The following GGCT variants were observed in gnomAD, a reference collection of about 807,000 sequenced individuals.
GGCT encodes the protein cytochrome c-releasing factor 21.
In GGCT, 20 loss-of-function variants were observed where a neutral mutation model predicts 22.1. The ratio of observed to expected loss-of-function variants is 0.91; its 90% confidence interval spans 0.64 to 1.32. GGCT has a LOEUF of 1.32. Ranked by LOEUF, GGCT falls within the 40% of genes most tolerant of loss-of-function variation. The probability of loss-of-function intolerance (pLI) is 0.00; values close to 1 mark genes in which losing one functional copy is unlikely to be tolerated. For synonymous variants in GGCT, 72 were observed against 78.4 expected, an observed-to-expected ratio of 0.92 and a Z score of 0.43; for missense variants, 209 against 223.5, an observed-to-expected ratio of 0.94 and a Z score of 0.41.
intron 1 of GGCT, among the ~76,000 whole-genome samples, chr7:30,502,653 C>T (rs940565280): frequency 1.3e-5 from 2 of 152,202 alleles, no homozygotes; most frequent in African/African-American, 2.4e-5. Context: ...ACATCACCTG[C>T]ATCTACCTGG....
chr7:30,502,115 G>A (rs981263142), intron 1 of GGCT, among the ~76,000 whole-genome samples: 3 of 152,194 alleles, frequency 2.0e-5, no homozygotes, highest in African/African-American at 7.2e-5. Flanking sequence ...TCCATTACCT[G>A]ATTTTTAAAT....
At chr7:30,499,556 C>CAA (rs544797835) in intron 2 of GGCT, among the ~76,000 whole-genome samples, 1 of 150,842 alleles carries the variant, frequency 6.6e-6, no homozygotes, top group Non-Finnish European at 1.5e-5. Context: ...AAAAAACACA[C>CAA]AAAAAATTAG....
At chr7:30,498,290 A>C (rs1416521579) in intron 3 of GGCT, among the ~76,000 whole-genome samples, 1 of 151,946 alleles carries the variant, frequency 6.6e-6, no homozygotes, top group Non-Finnish European at 1.5e-5. Flanking sequence ...AGTTTTAAAA[A>C]CATAATTCTA....
At chr7:30,502,755 C>T (rs1244201013) in intron 1 of GGCT, among the ~76,000 whole-genome samples, 1 of 152,198 alleles carries the variant, frequency 6.6e-6, no homozygotes, top group Non-Finnish European at 1.5e-5. Flanking sequence ...CAAATCCATC[C>T]ACCCTGCCCT....
chr7:30,503,960 T>A (rs558974170), intron 1 of GGCT, among the ~76,000 whole-genome samples: 1 of 152,272 alleles, frequency 6.6e-6, no homozygotes, highest in East Asian at 1.9e-4. Context: ...ACAGCCACTT[T>A]ACTCAATCAT....
rs1340129459 is a variant in GGCT at position 30,496,937 on chromosome 7, A to G, written c.*155T>C. ...CTAACTCCTATCCCAGTTTCTTTTT[A>G]TAGTCTAAAAACAAGGAATCACCCA... On this transcript the variant is annotated 3_prime_UTR_variant, in exon 4 of 4. Coordinates refer to ENST00000275428, the MANE Select transcript of GGCT (RefSeq NM_024051.4). 1 of 479,548 alleles carries G rather than the reference A, an allele frequency of 2.1e-6. No individual in the cohort carries two copies. The highest frequency in any genetic ancestry group is 3.4e-5 in the East Asian group (1 of 29,600). 29.7% of individuals were successfully genotyped at this position (479,548 alleles called of 1,614,324 possible).
intron 3 of GGCT, chr7:30,497,877 T>C (rs1425360730): frequency 1.4e-6 from 2 of 1,448,140 alleles, no homozygotes; most frequent in Non-Finnish European, 1.8e-6. Flanking sequence ...TGAAAGGCAG[T>C]GTGACGTTTC....
chr7:30,501,195 C>T (rs900620192), intron 1 of GGCT, among the ~76,000 whole-genome samples: 7 of 152,124 alleles, frequency 4.6e-5, no homozygotes, highest in African/African-American at 9.7e-5. Context: ...CTAATACTCA[C>T]GAATTATACT....
chr7:30,504,786 A>AC lies in GGCT; in HGVS notation c.-78dup, dbSNP rs1309351647. The AC allele has an allele frequency of 7.6e-6, 11 of 1,449,896 alleles. No homozygotes were observed. In the African/African-American group the frequency reaches 8.4e-5, roughly 11 times the overall value. The allele number at this position is 1,449,896 out of a possible 1,614,324, so 89.8% of individuals were successfully genotyped here. ...AGAGAGCGCAACACTGGGGCCCACT[A>AC]CCCCGGCGCAGTGACCGCCGCGCGG... On this transcript the variant is annotated 5_prime_UTR_variant, in exon 1 of 4. Coordinates refer to ENST00000275428, the MANE Select transcript of GGCT (RefSeq NM_024051.4).
intron 1 of GGCT, among the ~76,000 whole-genome samples, chr7:30,502,282 T>C (rs1410895973): frequency 6.6e-6 from 1 of 152,200 alleles, no homozygotes; most frequent in Non-Finnish European, 1.5e-5. Flanking sequence ...ATCATTAGTT[T>C]TAGTGTATTT....
intron 3 of GGCT, chr7:30,498,026 TACACACACAC>T (rs1554329077): frequency 7.7e-5 from 17 of 219,410 alleles, no homozygotes; most frequent in Admixed American, 1.7e-4. Flanking sequence ...TATATATAGA[TACACACACAC>T]ATATACATAT....
chr7:30,497,372 A>G (rs1459359624), intron 3 of GGCT, 137 bp from the exon 4 acceptor site: 1 of 576,830 alleles, frequency 1.7e-6, no homozygotes, highest in Non-Finnish European at 2.9e-6. Context: ...AAACAATTAT[A>G]TAAAATAGAA....
chr7:30,501,196 G>A (rs192456211), intron 1 of GGCT, among the ~76,000 whole-genome samples: 31 of 152,236 alleles, frequency 2.0e-4, no homozygotes, highest in East Asian at 1.5e-3. Context: ...TAATACTCAC[G>A]AATTATACTA....
rs143322290 is a variant in GGCT at position 30,498,577 on chromosome 7, G to A, written c.423+226C>T. Among the ~76,000 whole-genome samples the A allele has an allele frequency of 1.5e-3, 235 of 152,098 alleles. 1 individual carries two copies. Among genetic ancestry groups the A allele is most frequent in the East Asian group, 0.01 (53 of 5,176 alleles). ...TGGGATTACAGGTGCTCGCCACCACGGCCTCCTAGTTTTGTATTTTTAGTA... is the reference window on the plus strand; with the variant it reads ...TGGGATTACAGGTGCTCGCCACCACAGCCTCCTAGTTTTGTATTTTTAGTA... On this transcript the variant is annotated intron_variant, in intron 3 of 3. Transcript: ENST00000275428.
Position 30,498,815 on chromosome 7 carries a change from TG to T in GGCT, c.410del (p.Pro137HisfsTer24). 1 of 1,613,064 alleles carries T rather than the reference TG, an allele frequency of 6.2e-7. No homozygotes were observed. The highest frequency in any genetic ancestry group is 8.5e-7 in the Non-Finnish European group (1 of 1,179,072). ...MTNYESAPPS[P>X]QYKKIICMGA... ...GTAAATAGCTTACCTTTTTATACTG[TG>T]GGGATGGGGGAGCACTTTCGTAATT... On this transcript the variant is annotated frameshift_variant, in exon 3 of 4. Coordinates refer to ENST00000275428, the MANE Select transcript of GGCT (RefSeq NM_024051.4). LOFTEE classifies it high-confidence loss of function.
chr7:30,501,024 C>T (rs925059053), intron 1 of GGCT, among the ~76,000 whole-genome samples: 1 of 152,170 alleles, frequency 6.6e-6, no homozygotes, highest in Non-Finnish European at 1.5e-5. Flanking sequence ...TTCTTACATA[C>T]ACATAAATTT....
In GGCT at chr7:30,498,795, T is replaced by C; in HGVS notation, c.423+8A>G. 2 of 1,608,754 alleles carry C rather than the reference T, an allele frequency of 1.2e-6. No homozygotes were observed. Among genetic ancestry groups the C allele is most frequent in the Middle Eastern group, 1.7e-4 (1 of 5,936 alleles). On this transcript the variant is annotated splice_region_variant and intron_variant, in intron 3 of 3. Coordinates refer to ENST00000275428, the MANE Select transcript of GGCT (RefSeq NM_024051.4). The stretch of plus-strand genomic sequence containing the variant: ...AAAGTAATCACCACCAGTCTGTAAA[T>C]AGCTTACCTTTTTATACTGTGGGGA...
rs771398567 is a variant in GGCT, at chr7:30,504,732, G to A, written c.-23C>T. On this transcript the variant is annotated 5_prime_UTR_variant, in exon 1 of 4. Transcript: ENST00000275428. ...CATATCCCACTACGCCCCTGCACTG[G>A]AGCCTGAAGCAGAGTGTAAGGAACG... 1 of 1,613,090 alleles carries A rather than the reference G, an allele frequency of 6.2e-7. No homozygotes were observed. The highest frequency in any genetic ancestry group is 8.5e-7 in the Non-Finnish European group (1 of 1,179,160).
At chr7:30,503,659 G>C (rs1789754055) in intron 1 of GGCT, among the ~76,000 whole-genome samples, 1 of 151,972 alleles carries the variant, frequency 6.6e-6, no homozygotes, top group Non-Finnish European at 1.5e-5. Context: ...GGCTGGTTCT[G>C]TTGTGTGATG....
Sources: gnomAD v4.1 joint callset for allele counts (sites outside exome capture counted in the v4.1 genomes callset) on GRCh38, gnomAD v4.1.1 for gene constraint, MANE v1.5 for transcripts, NCBI Gene and HGNC (gene_info 2026-07-23, HGNC 2026-07-21) for gene names.